Variants in CDH18 observed in about 807,000 individuals in gnomAD.
The protein encoded by CDH18 is cadherin 18.
A neutral mutation model predicts 67.9 loss-of-function variants in CDH18; 31 were observed. The observed-to-expected ratio is 0.46, with a 90% confidence interval of 0.34 to 0.62. CDH18 has a LOEUF of 0.62. CDH18 is among the 20% of genes least tolerant of loss of function. CDH18 has a pLI of 0.01. For synonymous variants in CDH18, 362 were observed against 347.2 expected, an observed-to-expected ratio of 1.04 and a Z score of -0.48; for missense variants, 890 against 975.5, an observed-to-expected ratio of 0.91 and a Z score of 1.17.
At chr5:19,639,091 C>T (rs1753664754) in intron 5 of CDH18, among the ~76,000 whole-genome samples, 1 of 151,112 alleles carries the variant, frequency 6.6e-6, no homozygotes, top group Non-Finnish European at 1.5e-5. Context: ...CAAGCTCCGC[C>T]TCCTGGGCTC....
At chr5:20,536,269 T>C (rs1194312529) in intron 1 of CDH18, among the ~76,000 whole-genome samples, 5 of 152,120 alleles carry the variant, frequency 3.3e-5, no homozygotes, top group South Asian at 4.1e-4. Context: ...ATCTAGTTTA[T>C]TGAGTAGTAG....
At chr5:20,488,977 C>T (rs1189901518) in intron 1 of CDH18, among the ~76,000 whole-genome samples, 5 of 151,908 alleles carry the variant, frequency 3.3e-5, no homozygotes, top group Non-Finnish European at 5.9e-5. Context: ...GGGGAGAATA[C>T]AGTTACCGAA....
intron 2 of CDH18, among the ~76,000 whole-genome samples, chr5:20,042,147 C>A (rs1279867721): frequency 6.6e-6 from 1 of 152,136 alleles, no homozygotes; most frequent in African/African-American, 2.4e-5. Flanking sequence ...CTGAGAGTAC[C>A]TTTTTTGCTT....
rs192179328 is a variant in CDH18, at chr5:20,056,936, C to T, written c.-517-64922G>A. Among the ~76,000 whole-genome samples, 401 of 151,904 alleles carry T rather than the reference C, an allele frequency of 2.6e-3. 1 individual carries two copies. Among genetic ancestry groups the T allele is most frequent in the African/African-American group, 9.2e-3 (380 of 41,394 alleles). On this transcript the variant is annotated intron_variant, in intron 2 of 14. Coordinates refer to the CDH18 transcript ENST00000507958. ...TCCTGACCTGGTGATCAGCCCGTCT[C>T]GGCCTCCCAAAGTGCTGAGATTACA...
At chr5:19,568,566 A>C (rs1358350420) in intron 8 of CDH18, among the ~76,000 whole-genome samples, 1 of 152,126 alleles carries the variant, frequency 6.6e-6, no homozygotes, top group Admixed American at 6.6e-5. Flanking sequence ...TAGCAGCCAA[A>C]CTGACTAAAG....
At chr5:20,356,749 C>CTATA (rs1287623869) in intron 1 of CDH18, among the ~76,000 whole-genome samples, 11 of 129,176 alleles carry the variant, frequency 8.5e-5, no homozygotes, top group South Asian at 2.5e-4. Flanking sequence ...CTCTCTCTCT[C>CTATA]TCTCTATATA....
chr5:20,463,723 T>G (rs1751434708), intron 1 of CDH18, among the ~76,000 whole-genome samples: 1 of 152,134 alleles, frequency 6.6e-6, no homozygotes, highest in African/African-American at 2.4e-5. Context: ...GCCAAACCGT[T>G]AATACGGGAT....
chr5:20,261,488 C>A (rs1284241048), intron 1 of CDH18, among the ~76,000 whole-genome samples: 5 of 152,146 alleles, frequency 3.3e-5, no homozygotes, highest in Non-Finnish European at 7.4e-5. Context: ...CGCCTCTAAT[C>A]CCAGCACTTT....
chr5:19,802,663 A>G (rs1777589893), intron 3 of CDH18, among the ~76,000 whole-genome samples: 1 of 152,062 alleles, frequency 6.6e-6, no homozygotes, highest in Non-Finnish European at 1.5e-5. Flanking sequence ...TCAATACTCT[A>G]TTGTGAAACT....
intron 1 of CDH18, among the ~76,000 whole-genome samples, chr5:20,523,502 C>A (rs1020067550): frequency 1.3e-5 from 2 of 152,130 alleles, no homozygotes; most frequent in Non-Finnish European, 2.9e-5. Context: ...CTGGTAATTT[C>A]TCATATGCTG....
At chr5:20,114,590 A>C (rs2126367656) in intron 2 of CDH18, among the ~76,000 whole-genome samples, 1 of 152,258 alleles carries the variant, frequency 6.6e-6, no homozygotes, top group Non-Finnish European at 1.5e-5. Flanking sequence ...TTGAGTCATA[A>C]GTTTGCTAGG....
At chr5:20,268,507 AG>A (rs1441086833) in intron 1 of CDH18, among the ~76,000 whole-genome samples, 1 of 152,156 alleles carries the variant, frequency 6.6e-6, no homozygotes, top group Non-Finnish European at 1.5e-5. Context: ...ATGTCAAGAT[AG>A]GAGGACCGCT....
chr5:19,926,487 C>A (rs1330743369), intron 2 of CDH18, among the ~76,000 whole-genome samples: 2 of 151,964 alleles, frequency 1.3e-5, no homozygotes, highest in Non-Finnish European at 2.9e-5. Context: ...AAAATATTCT[C>A]AATTTTGTAA....
intron 2 of CDH18, among the ~76,000 whole-genome samples, chr5:19,898,410 A>G (rs1789575991): frequency 6.6e-6 from 1 of 152,018 alleles, no homozygotes; most frequent in Non-Finnish European, 1.5e-5. Context: ...TATATAGGCA[A>G]TATTTTCCAA....
chr5:20,256,978 A>G (rs764503375), intron 1 of CDH18, among the ~76,000 whole-genome samples: 17 of 133,578 alleles, frequency 1.3e-4, no homozygotes, highest in African/African-American at 5.1e-4. Context: ...ATCTATATCT[A>G]TATCTATATC....
intron 1 of CDH18, among the ~76,000 whole-genome samples, chr5:20,379,048 C>T (rs767058515): frequency 1.3e-5 from 2 of 152,048 alleles, no homozygotes; most frequent in African/African-American, 2.4e-5. Flanking sequence ...GTTTTATGGA[C>T]ATTCACCATT....
intron 1 of CDH18, among the ~76,000 whole-genome samples, chr5:20,463,955 G>A (rs528815751): frequency 9.9e-5 from 15 of 152,214 alleles, no homozygotes; most frequent in African/African-American, 3.1e-4. Context: ...GTGAATCAGA[G>A]AAACAAGGCA....
intron 6 of CDH18, among the ~76,000 whole-genome samples, chr5:19,611,872 C>A (rs1749016194): frequency 6.6e-6 from 1 of 151,128 alleles, no homozygotes; most frequent in Non-Finnish European, 1.5e-5. Flanking sequence ...CTGAATTATG[C>A]TTTCTGTTTT....
rs1786137594 is a variant in CDH18 at position 19,870,502 on chromosome 5, T to TCTCTTG, written c.-256-31266_-256-31261dup. 3.3e-5 allele frequency among the ~76,000 whole-genome samples: 5 copies of TCTCTTG among 152,114 alleles called. No homozygotes were observed. The South Asian group carries it at 1.0e-3, about 32-fold the overall frequency. ...ACTAATTTTGATATCGGTATGATAT[T>TCTCTTG]CTCTTGCTTATCTATAGAGTATCCT... On this transcript the variant is annotated intron_variant, in intron 2 of 12. Transcript: ENST00000382275.
Sources: allele counts gnomAD v4.1 joint callset (sites outside exome capture counted in the v4.1 genomes callset), GRCh38; gene constraint gnomAD v4.1.1; transcripts MANE v1.5; gene names NCBI Gene and HGNC (gene_info 2026-07-23, HGNC 2026-07-21).